FBXO21: variants seen among roughly 807,000 people sequenced by gnomAD.
The protein encoded by FBXO21 is F-box protein 21.
In FBXO21, 32 loss-of-function variants were observed where a neutral mutation model predicts 76.6. That is an observed-to-expected ratio of 0.42 (90% CI 0.32 to 0.56). FBXO21 has a LOEUF of 0.56. Among genes scored for constraint, FBXO21 ranks in the 20% least tolerant of loss-of-function variants. The pLI is 0.16. For missense variants in FBXO21, 586 were observed against 797.3 expected, an observed-to-expected ratio of 0.73 and a Z score of 3.19; for synonymous variants, 328 against 311.5, an observed-to-expected ratio of 1.05 and a Z score of -0.56.
At chr12:117,147,529 C>T (rs1344586924) in intron 11 of FBXO21, among the ~76,000 whole-genome samples, 2 of 127,992 alleles carry the variant, frequency 1.6e-5, no homozygotes, top group Admixed American at 9.8e-5. Context: ...ACCTGGGAGG[C>T]GGAGGTTGCA....
chr12:117,143,579 T>C lies in FBXO21; in HGVS notation c.*2508A>G, dbSNP rs763388366. 6.6e-6 allele frequency: 1 copy of C among 152,260 alleles called. No homozygotes were observed. Among genetic ancestry groups the C allele is most frequent in the Non-Finnish European group, 1.5e-5 (1 of 68,042 alleles). The allele number at this position is 152,260 out of a possible 1,614,324, so 9.4% of individuals were successfully genotyped here. A position where few individuals can be genotyped will look rare whatever the true frequency, so the allele number is the denominator to read the frequency against. On this transcript the variant is annotated 3_prime_UTR_variant, in exon 12 of 12. Transcript: ENST00000622495. Reference sequence around the variant, plus strand: ...TCTTTGCATGACAACCAGATAATTCTCAAAGGTTACTAGTGAGCTGATAAA... The same window carrying C: ...TCTTTGCATGACAACCAGATAATTCCCAAAGGTTACTAGTGAGCTGATAAA...
Position 117,144,901 on chromosome 12 carries a change from G to A in FBXO21, c.*1186C>T, listed in dbSNP as rs1474744978. On this transcript the variant is annotated 3_prime_UTR_variant, in exon 12 of 12. Coordinates refer to ENST00000622495, the MANE Select transcript of FBXO21 (RefSeq NM_015002.3). ...GTCCTGCTGCCGTCAGGACCCTGGCGGCTTGGAAAAGCAGATTCCAACACG... is the reference window on the plus strand; with the variant it reads ...GTCCTGCTGCCGTCAGGACCCTGGCAGCTTGGAAAAGCAGATTCCAACACG... The A allele has an allele frequency of 2.0e-5, 3 of 152,090 alleles. No individual in the cohort carries two copies. The highest frequency in any genetic ancestry group is 4.8e-5 in the African/African-American group (2 of 41,410). The allele number at this position is 152,090 out of a possible 1,614,324, so 9.4% of individuals were successfully genotyped here.
At chr12:117,149,495 A>G (rs1170964226) in intron 11 of FBXO21, among the ~76,000 whole-genome samples, 4 of 152,208 alleles carry the variant, frequency 2.6e-5, no homozygotes, top group Non-Finnish European at 5.9e-5. Context: ...GTTCGTCTGG[A>G]GCAGTTCTCA....
intron 5 of FBXO21, 48 bp from the exon 6 acceptor site, chr12:117,174,389 G>A (rs1245042777): frequency 1.2e-6 from 2 of 1,601,996 alleles, no homozygotes; most frequent in Non-Finnish European, 8.5e-7. Flanking sequence ...AAAAGGTTGT[G>A]ACAGGTGCCC....
At chr12:117,166,825 A>G in intron 8 of FBXO21, 73 bp downstream of exon 8, 1 of 1,338,828 alleles carries the variant, frequency 7.5e-7, no homozygotes, top group Non-Finnish European at 1.1e-6. Context: ...GTCACTTGGC[A>G]CATCTCAAAC....
chr12:117,169,242 T>C (rs1956092478), intron 7 of FBXO21, among the ~76,000 whole-genome samples: 1 of 152,192 alleles, frequency 6.6e-6, no homozygotes, highest in African/African-American at 2.4e-5. Context: ...AAAAACTGCG[T>C]GCTCTCACTT....
chr12:117,178,582 C>T (rs747357349), intron 3 of FBXO21, among the ~76,000 whole-genome samples: 4 of 152,042 alleles, frequency 2.6e-5, no homozygotes, highest in Admixed American at 6.6e-5. Flanking sequence ...CTCTCTGACC[C>T]CAATTCCTGC....
chr12:117,167,082 C>T lies in FBXO21; in HGVS notation c.1014-5G>A, dbSNP rs1956061595. The T allele has an allele frequency of 1.2e-6, 2 of 1,612,210 alleles. No homozygotes were observed. Among genetic ancestry groups the T allele is most frequent in the Non-Finnish European group, 1.7e-6 (2 of 1,178,998 alleles). Reference sequence around the variant, plus strand: ...TCAAAGATGTCCAGGGTCGCCCTATCCAAAGAGCCAAATATCAGATGAGAG... The same window carrying T: ...TCAAAGATGTCCAGGGTCGCCCTATTCAAAGAGCCAAATATCAGATGAGAG... On this transcript the variant is annotated splice_polypyrimidine_tract_variant and splice_region_variant and intron_variant, in intron 7 of 11. Coordinates refer to ENST00000622495, the MANE Select transcript of FBXO21 (RefSeq NM_015002.3).
At chr12:117,189,783 C>A (rs1452800486) in intron 1 of FBXO21, among the ~76,000 whole-genome samples, 1 of 152,168 alleles carries the variant, frequency 6.6e-6, no homozygotes, top group Non-Finnish European at 1.5e-5. Flanking sequence ...GTCGCTCCCC[C>A]CAAGGTCACA....
chr12:117,145,982 C>T lies in FBXO21; in HGVS notation c.*105G>A, dbSNP rs1051653041. On this transcript the variant is annotated 3_prime_UTR_variant, in exon 12 of 12. Coordinates refer to ENST00000622495, the MANE Select transcript of FBXO21 (RefSeq NM_015002.3). Reference sequence around the variant, plus strand: ...CCAGCACTACTGGTGGAGTGGCTTTCCTGGTGCAGCAGGTCCCGAGGGCTC... The same window carrying T: ...CCAGCACTACTGGTGGAGTGGCTTTTCTGGTGCAGCAGGTCCCGAGGGCTC... 22 of 883,506 alleles carry T rather than the reference C, an allele frequency of 2.5e-5. No homozygotes were observed. The African/African-American group carries it at 2.7e-4, about 11-fold the overall frequency. The allele number at this position is 883,506 out of a possible 1,614,324, so 54.7% of individuals were successfully genotyped here. A position where few individuals can be genotyped will look rare whatever the true frequency, so the allele number is the denominator to read the frequency against.
intron 9 of FBXO21, among the ~76,000 whole-genome samples, chr12:117,164,336 G>C (rs2135862306): frequency 6.7e-6 from 1 of 149,708 alleles, no homozygotes; most frequent in Admixed American, 6.6e-5. Context: ...GAGTGAAGTG[G>C]CATGGTATCA....
At chr12:117,181,578 T>C (rs1420349329) in intron 3 of FBXO21, among the ~76,000 whole-genome samples, 1 of 117,436 alleles carries the variant, frequency 8.5e-6, no homozygotes, top group Non-Finnish European at 1.6e-5. Flanking sequence ...TATCGATCGA[T>C]CGATCTATCT....
At chr12:117,164,561 C>T (rs1430521283) in intron 9 of FBXO21, among the ~76,000 whole-genome samples, 1 of 152,170 alleles carries the variant, frequency 6.6e-6, no homozygotes, top group Non-Finnish European at 1.5e-5. Flanking sequence ...CAGGCATGAG[C>T]CACCATGCCC....
chr12:117,168,739 G>C (rs1476431718), intron 7 of FBXO21, among the ~76,000 whole-genome samples: 1 of 152,092 alleles, frequency 6.6e-6, no homozygotes, highest in Non-Finnish European at 1.5e-5. Flanking sequence ...ATCAAATGCA[G>C]CAATGTATTT....
intron 3 of FBXO21, among the ~76,000 whole-genome samples, chr12:117,186,170 C>T (rs760318107): frequency 3.3e-5 from 5 of 152,190 alleles, no homozygotes; most frequent in South Asian, 2.1e-4. Context: ...AGCCACCGTG[C>T]CTGGCCTATT....
intron 6 of FBXO21, among the ~76,000 whole-genome samples, chr12:117,172,960 T>A (rs1479785887): frequency 2.4e-4 from 36 of 152,232 alleles, no homozygotes; most frequent in Non-Finnish European, 1.5e-5. Flanking sequence ...TTATATTATC[T>A]GTGCCTCCTT....
chr12:117,175,450 C>T (rs1309920557), intron 4 of FBXO21, among the ~76,000 whole-genome samples: 1 of 152,234 alleles, frequency 6.6e-6, no homozygotes, highest in Admixed American at 6.5e-5. Context: ...GAAGGGCTAA[C>T]AGCATCATTT....
intron 2 of FBXO21, among the ~76,000 whole-genome samples, chr12:117,187,103 T>C (rs1246306273): frequency 6.6e-6 from 1 of 150,824 alleles, no homozygotes; most frequent in Non-Finnish European, 1.5e-5. Flanking sequence ...GCAACAAGAA[T>C]GAAACTCCGT....
chr12:117,152,099 T>C (rs1330077116), intron 11 of FBXO21, among the ~76,000 whole-genome samples: 1 of 151,868 alleles, frequency 6.6e-6, no homozygotes, highest in Non-Finnish European at 1.5e-5. Flanking sequence ...TAATCAGGAC[T>C]CAGACTTCAC....
Sources: allele counts gnomAD v4.1 joint callset (sites outside exome capture counted in the v4.1 genomes callset), GRCh38; gene constraint gnomAD v4.1.1; transcripts MANE v1.5; gene names NCBI Gene and HGNC (gene_info 2026-07-23, HGNC 2026-07-21).